Variants in LINGO1 observed in about 807,000 individuals in gnomAD.
LINGO1 encodes leucine-rich repeat and immunoglobulin-like domain-containing nogo receptor-interacting protein 1.
LINGO1 carries 11 observed loss-of-function variants against 37.3 expected under a neutral mutation model. The observed-to-expected ratio is 0.29, with a 90% confidence interval of 0.19 to 0.49. The LOEUF (loss-of-function observed/expected upper bound fraction) is 0.49, where lower values mean the gene tolerates loss of function less well. Among genes scored for constraint, LINGO1 ranks in the 20% least tolerant of loss-of-function variants. The pLI is 0.99. For missense variants in LINGO1, 585 were observed against 878.2 expected (o/e 0.67, Z 4.22); for synonymous variants, 387 against 403.0 (o/e 0.96, Z 0.48).
upstream of LINGO1, chr15:77,634,232 T>G: frequency 2.3e-6 from 1 of 441,640 alleles, no homozygotes; most frequent in South Asian, 1.6e-5. Flanking sequence ...GCACCTTGTT[T>G]CTCGCTGTTC....
At chr15:77,761,635 C>T (rs997860982) in intron 1 of LINGO1, among the ~76,000 whole-genome samples, 1 of 152,178 alleles carries the variant, frequency 6.6e-6, no homozygotes, top group Non-Finnish European at 1.5e-5. Context: ...AACTCATCTC[C>T]CACCATAACT....
rs145959010 is a variant in LINGO1, at chr15:77,770,458, A to C, written c.-257+16411T>G. On this transcript the variant is annotated intron_variant, in intron 1 of 3. Coordinates refer to the LINGO1 transcript ENST00000561686. ...CAAAATTAGTCAGGCGAGGTGGTGC[A>C]TGCCTGTAATTCCAGCTACTCAGGA... 6.3e-3 allele frequency among the ~76,000 whole-genome samples: 961 copies of C among 152,182 alleles called. 7 individuals carry two copies. Among genetic ancestry groups the C allele is most frequent in the African/African-American group, 0.022 (914 of 41,520 alleles).
chr15:77,655,239 A>G (rs1482778916), intron 3 of LINGO1, among the ~76,000 whole-genome samples: 3 of 152,204 alleles, frequency 2.0e-5, no homozygotes, highest in African/African-American at 7.2e-5. Flanking sequence ...GTGAAGTTCC[A>G]GGAAGAGGAG....
chr15:77,808,126 C>T (rs2076975316), intron 1 of LINGO1, among the ~76,000 whole-genome samples: 1 of 152,132 alleles, frequency 6.6e-6, no homozygotes, highest in South Asian at 2.1e-4. Context: ...GGCCCCCAGC[C>T]ACCAGAGATC....
rs1344996298 is a variant in LINGO1 at position 77,614,440 on chromosome 15, T to C, written c.1467A>G (p.Val489=). The C allele has an allele frequency of 2.5e-6, 4 of 1,611,468 alleles. No individual in the cohort carries two copies. Among genetic ancestry groups the C allele is most frequent in the African/African-American group, 2.7e-5 (2 of 74,950 alleles). The change falls in exon 2 of 2, where the codon GTA becomes GTG. Residue 489 remains valine, a synonymous_variant. Transcript: ENST00000355300. ...TGCACAGGTACGTGCCGTTGTCCTG[T>C]ACCTGGGCGTAGCGCACCTCCAGCG... ...DGTLEVRYAQ[V]QDNGTYLCIA...
intron 1 of LINGO1, among the ~76,000 whole-genome samples, chr15:77,809,347 C>T (rs8033711): frequency 0.032 from 4,860 of 152,310 alleles, 270 homozygotes; most frequent in African/African-American, 0.11. Flanking sequence ...GGAAGCCAGG[C>T]AGTCCTGAAC....
chr15:77,676,021 T>C (rs918543345), intron 3 of LINGO1, among the ~76,000 whole-genome samples: 1 of 152,260 alleles, frequency 6.6e-6, no homozygotes, highest in African/African-American at 2.4e-5. Context: ...CCCTGTCCCA[T>C]GACCTCCTCA....
At chr15:77,636,733 C>T (rs980436442), upstream of LINGO1, among the ~76,000 whole-genome samples, 7 of 152,124 alleles carry the variant, frequency 4.6e-5, no homozygotes, top group African/African-American at 1.7e-4. Context: ...ACCCTGATCC[C>T]CTAAAAGGCT....
At chr15:77,792,187 C>T (rs938323753) in intron 2 of LINGO1, among the ~76,000 whole-genome samples, 1 of 152,236 alleles carries the variant, frequency 6.6e-6, no homozygotes, top group Non-Finnish European at 1.5e-5. Flanking sequence ...TTCCTCGGCT[C>T]GGGCCAAGGC....
At chr15:77,622,037 C>T (rs182944958) in intron 1 of LINGO1, among the ~76,000 whole-genome samples, 4 of 152,148 alleles carry the variant, frequency 2.6e-5, no homozygotes, top group South Asian at 2.1e-4. Context: ...GGTGGGTGTG[C>T]GCGGTCCTCG....
At chr15:77,724,188 A>T (rs1365016412) in intron 2 of LINGO1, among the ~76,000 whole-genome samples, 2 of 152,176 alleles carry the variant, frequency 1.3e-5, no homozygotes, top group South Asian at 4.1e-4. Flanking sequence ...CGCTTCCTCC[A>T]GGTACCCCCA....
chr15:77,709,462 C>A (rs2141289802), intron 2 of LINGO1, among the ~76,000 whole-genome samples: 1 of 152,370 alleles, frequency 6.6e-6, no homozygotes, highest in African/African-American at 2.4e-5. Context: ...AGTGGCCAGT[C>A]AGGGACAGCG....
In LINGO1 at chr15:77,753,598, G is replaced by A. The variant is rs1275188144; in HGVS notation, c.-256-18545C>T. Among the ~76,000 whole-genome samples the A allele has an allele frequency of 2.0e-5, 3 of 152,200 alleles. No homozygotes were observed. In the East Asian group the frequency reaches 5.8e-4, roughly 29 times the overall value. The stretch of plus-strand genomic sequence containing the variant: ...AGTTTATTTGGATTGCTGTTTCTGG[G>A]CACTGCCAAGGACTGTCAGCATGGG... On this transcript the variant is annotated intron_variant, in intron 1 of 3. Coordinates refer to the LINGO1 transcript ENST00000561686.
intron 1 of LINGO1, among the ~76,000 whole-genome samples, chr15:77,804,361 T>C (rs1373575208): frequency 6.6e-6 from 1 of 152,082 alleles, no homozygotes; most frequent in African/African-American, 2.4e-5. Context: ...GTGCAAGTCA[T>C]GTGGCCCCGG....
At chr15:77,798,222 C>T (rs1161341439) in intron 1 of LINGO1, among the ~76,000 whole-genome samples, 1 of 152,208 alleles carries the variant, frequency 6.6e-6, no homozygotes, top group Non-Finnish European at 1.5e-5. Flanking sequence ...GCTCCTCAGG[C>T]CCGGGTACCC....
chr15:77,702,838 C>T (rs1275620047), intron 2 of LINGO1, among the ~76,000 whole-genome samples: 5 of 152,224 alleles, frequency 3.3e-5, no homozygotes, highest in African/African-American at 1.2e-4. Context: ...TGTTCTGTGC[C>T]ATACAGCACT....
chr15:77,632,281 C>A lies in LINGO1; in HGVS notation c.6+29G>T. On this transcript the variant is annotated intron_variant, in intron 1 of 1. Coordinates refer to ENST00000355300, the MANE Select transcript of LINGO1 (RefSeq NM_032808.7). This position sits in a 1 kb window ranked among gnomAD's most constrained non-coding sequence, Gnocchi z 6.0. ...GGCACTCGCCGCGGGGCTGCCCGCTCGGGGCTCGGCCGCGGCCGCCTGGCT... is the reference window on the plus strand; with the variant it reads ...GGCACTCGCCGCGGGGCTGCCCGCTAGGGGCTCGGCCGCGGCCGCCTGGCT... 7.1e-7 allele frequency: 1 copy of A among 1,405,836 alleles called. No individual in the cohort carries two copies. The highest frequency in any genetic ancestry group is 1.5e-5 in the South Asian group (1 of 66,086). 87.1% of individuals were successfully genotyped at this position (1,405,836 alleles called of 1,614,324 possible).
At position 77,613,679 on chromosome 15, in the gene LINGO1, T is replaced by C; in HGVS notation, c.*365A>G. 4.2e-6 allele frequency: 1 copy of C among 238,874 alleles called. No individual in the cohort carries two copies. The allele number at this position is 238,874 out of a possible 1,614,324, so 14.8% of individuals were successfully genotyped here. The stretch of plus-strand genomic sequence containing the variant: ...GACTAGCTATAGGAAATAGTTTTTT[T>C]CTCTTTTTATTATTTCAAGTTTTCA... On this transcript the variant is annotated 3_prime_UTR_variant, in exon 2 of 2. Transcript: ENST00000355300.
Position 77,614,033 on chromosome 15 carries a change from C to G in LINGO1, c.*11G>C. Reference sequence around the variant, plus strand: ...CCGGCCGCCCGGGGGTCCCTGCCCCCCGCCCCGGCCTCATATCATCTTCAT... The same window carrying G: ...CCGGCCGCCCGGGGGTCCCTGCCCCGCGCCCCGGCCTCATATCATCTTCAT... On this transcript the variant is annotated 3_prime_UTR_variant, in exon 2 of 2. Coordinates refer to ENST00000355300, the MANE Select transcript of LINGO1 (RefSeq NM_032808.7). The G allele has an allele frequency of 6.4e-7, 1 of 1,553,826 alleles. No individual in the cohort carries two copies. The highest frequency in any genetic ancestry group is 8.7e-7 in the Non-Finnish European group (1 of 1,147,558).
Sources: gnomAD v4.1 joint callset for allele counts (sites outside exome capture counted in the v4.1 genomes callset) on GRCh38, gnomAD v4.1.1 for gene constraint, Gnocchi (gnomAD v3.1) non-coding constraint, MANE v1.5 for transcripts, NCBI Gene and HGNC (gene_info 2026-07-23, HGNC 2026-07-21) for gene names.